DAB1: variants seen among roughly 807,000 people sequenced by gnomAD.
DAB1 encodes disabled homolog 1.
In DAB1, 15 loss-of-function variants were observed where a neutral mutation model predicts 64.6. That is an observed-to-expected ratio of 0.23 (90% CI 0.16 to 0.36). The LOEUF (loss-of-function observed/expected upper bound fraction) is 0.36, where lower values mean the gene tolerates loss of function less well. DAB1 is among the 10% of genes least tolerant of loss of function. The pLI is 1.00. For missense variants in DAB1, 596 were observed against 706.7 expected (o/e 0.84, Z 1.78); for synonymous variants, 235 against 251.9 (o/e 0.93, Z 0.64).
intron 4 of DAB1, among the ~76,000 whole-genome samples, chr1:58,240,213 C>G (rs193223274): frequency 2.6e-5 from 4 of 152,322 alleles, no homozygotes; most frequent in Non-Finnish European, 5.9e-5. Context: ...GTACAATATT[C>G]CTTAGTCTCC....
At chr1:57,023,735 G>T in intron 10 of DAB1, 96 bp from the exon 11 acceptor site, 1 of 768,514 alleles carries the variant, frequency 1.3e-6, no homozygotes, top group Non-Finnish European at 2.3e-6. Context: ...CGCAGGGGAA[G>T]GGGTCCACAG....
At chr1:57,613,853 G>T (rs2101605918) in intron 7 of DAB1, among the ~76,000 whole-genome samples, 1 of 152,248 alleles carries the variant, frequency 6.6e-6, no homozygotes, top group Non-Finnish European at 1.5e-5. Flanking sequence ...TTCCAGGTGG[G>T]CACCTATTAG....
At chr1:58,016,008 G>T (rs778410101) in intron 5 of DAB1, among the ~76,000 whole-genome samples, 2 of 152,040 alleles carry the variant, frequency 1.3e-5, no homozygotes, top group East Asian at 1.9e-4. Flanking sequence ...AACAGCCTAG[G>T]GGGGGGTAGT....
At chr1:57,551,917 C>T (rs1400983617) in intron 7 of DAB1, among the ~76,000 whole-genome samples, 2 of 152,166 alleles carry the variant, frequency 1.3e-5, no homozygotes, top group African/African-American at 2.4e-5. Flanking sequence ...CTAAGGCAGG[C>T]TTTGGATGCA....
intron 5 of DAB1, among the ~76,000 whole-genome samples, chr1:58,063,003 G>A (rs1221848317): frequency 1.3e-5 from 2 of 152,160 alleles, no homozygotes; most frequent in African/African-American, 4.8e-5. Flanking sequence ...CATGCAACAA[G>A]TACTGATTGA....
rs61660460 is a variant in DAB1 at position 57,226,672 on chromosome 1, A to AATATATATATATATATATATATATAT, written c.67+64266_67+64291dup. ...GTCACTCAAAAGTGGTTAAAAAAAA[A>AATATATATATATATATATATATATAT]ATATATATATATATATATATATATA... On this transcript the variant is annotated intron_variant, in intron 2 of 14. Transcript: ENST00000371236. Among the ~76,000 whole-genome samples, 34 of 135,962 alleles carry AATATATATATATATATATATATATAT rather than the reference A, an allele frequency of 2.5e-4. 1 individual carries two copies. Among genetic ancestry groups the AATATATATATATATATATATATATAT allele is most frequent in the African/African-American group, 9.9e-4 (32 of 32,372 alleles). The allele number at this position is 135,962 out of a possible 152,430, so 89.2% of individuals were successfully genotyped here.
At chr1:58,005,216 A>C (rs1056754206) in intron 5 of DAB1, among the ~76,000 whole-genome samples, 5 of 152,134 alleles carry the variant, frequency 3.3e-5, no homozygotes, top group Non-Finnish European at 7.4e-5. Context: ...CATCCCTCCA[A>C]TAAAATCTCT....
intron 1 of DAB1, among the ~76,000 whole-genome samples, chr1:57,833,608 ATGAG>A (rs900488903): frequency 7.9e-5 from 12 of 152,224 alleles, no homozygotes; most frequent in African/African-American, 2.7e-4. Context: ...AAATAAGTGA[ATGAG>A]TGAGTGAGTT....
intron 4 of DAB1, among the ~76,000 whole-genome samples, chr1:58,152,889 G>C (rs1245896219): frequency 1.3e-5 from 2 of 152,182 alleles, no homozygotes; most frequent in Admixed American, 1.3e-4. Flanking sequence ...GACGAAACAA[G>C]TGGCCGGTCC....
At chr1:58,405,950 C>T (rs1644612790) in intron 3 of DAB1, among the ~76,000 whole-genome samples, 1 of 152,112 alleles carries the variant, frequency 6.6e-6, no homozygotes, top group Non-Finnish European at 1.5e-5. Flanking sequence ...AGGAGACATC[C>T]CTGAACCAGA....
In DAB1 at chr1:57,456,095, C is replaced by T. The variant is rs953980; in HGVS notation, n.626-164929G>A. Among the ~76,000 whole-genome samples the T allele has an allele frequency of 6.9e-3, 1,054 of 152,260 alleles. 13 individuals carry two copies. The highest frequency in any genetic ancestry group is 0.024 in the African/African-American group (1,017 of 41,564). The stretch of plus-strand genomic sequence containing the variant: ...CAATCTAACATTAGGACTCATTTCC[C>T]TGTAACATCCACCTATTGTCACTAG... On this transcript the variant is annotated intron_variant and non_coding_transcript_variant, in intron 7 of 20. Transcript: ENST00000485760.
chr1:57,632,122 A>G (rs11578358), intron 7 of DAB1, among the ~76,000 whole-genome samples: 75,774 of 152,042 alleles, frequency 0.5, 19,509 homozygotes, highest in East Asian at 0.69. Context: ...TTGCAGAACT[A>G]CTTTAAGAAT....
chr1:57,179,021 T>C (rs946186029), intron 2 of DAB1, among the ~76,000 whole-genome samples: 8 of 152,156 alleles, frequency 5.3e-5, no homozygotes, highest in Admixed American at 2.6e-4. Flanking sequence ...ATGTATTTAT[T>C]TGGGAAGGAG....
intron 5 of DAB1, among the ~76,000 whole-genome samples, chr1:57,921,600 G>A (rs1188650099): frequency 6.6e-6 from 1 of 151,748 alleles, no homozygotes; most frequent in Non-Finnish European, 1.5e-5. Flanking sequence ...CTGTACTTTT[G>A]ACATAGATCC....
At chr1:57,934,108 G>C (rs1444020146) in intron 5 of DAB1, among the ~76,000 whole-genome samples, 2 of 56,214 alleles carry the variant, frequency 3.6e-5, no homozygotes, top group East Asian at 6.2e-4. Flanking sequence ...TGTGTGTTTA[G>C]TAGAGACGAG....
intron 1 of DAB1, among the ~76,000 whole-genome samples, chr1:57,401,476 T>C (rs1683238304): frequency 6.6e-6 from 1 of 152,194 alleles, no homozygotes; most frequent in South Asian, 2.1e-4. Context: ...TACAATGTCA[T>C]CTGTCAAAAG....
chr1:57,662,357 C>T (rs767460129), intron 6 of DAB1, among the ~76,000 whole-genome samples: 7 of 151,966 alleles, frequency 4.6e-5, no homozygotes, highest in East Asian at 3.9e-4. Flanking sequence ...CCACCACGCC[C>T]GGCTAATTTT....
At chr1:57,392,267 G>C (rs1558297829) in intron 1 of DAB1, among the ~76,000 whole-genome samples, 1 of 152,128 alleles carries the variant, frequency 6.6e-6, no homozygotes, top group Non-Finnish European at 1.5e-5. Context: ...CAGCTTCTTG[G>C]GAGGCTAAGG....
At chr1:57,033,688 C>T (rs999720022) in intron 9 of DAB1, 38 of 995,046 alleles carry the variant, frequency 3.8e-5, no homozygotes, top group Admixed American at 2.2e-4. Context: ...TCTCAGTAGG[C>T]GGGAGCTGTT....
Sources: gnomAD v4.1 joint callset for allele counts (sites outside exome capture counted in the v4.1 genomes callset) on GRCh38, gnomAD v4.1.1 for gene constraint, MANE v1.5 for transcripts, NCBI Gene and HGNC (gene_info 2026-07-23, HGNC 2026-07-21) for gene names.